Variants in SGCD observed in about 807,000 individuals in gnomAD.
SGCD encodes the protein sarcoglycan delta.
SGCD carries 18 observed loss-of-function variants against 36.6 expected under a neutral mutation model. That is an observed-to-expected ratio of 0.49 (90% CI 0.34 to 0.73). The LOEUF is 0.73. Ranked by LOEUF, SGCD falls within the 30% of genes least tolerant of loss-of-function variation. The probability of loss-of-function intolerance (pLI) is 0.01; values close to 1 mark genes in which losing one functional copy is unlikely to be tolerated. For missense variants in SGCD, 387 were observed against 346.7 expected (o/e 1.12, Z -0.92); for synonymous variants, 133 against 130.6 (o/e 1.02, Z -0.12).
the SGCD span, among the ~76,000 whole-genome samples, chr5:155,836,975 T>C: frequency 6.6e-6 from 1 of 152,176 alleles, no homozygotes; most frequent in African/African-American, 2.4e-5. Context: ...GAATCATCCA[T>C]GTCCACAAAT....
intron 3 of SGCD, among the ~76,000 whole-genome samples, chr5:156,250,454 G>C (rs946190120): frequency 6.6e-5 from 10 of 152,178 alleles, no homozygotes; most frequent in Non-Finnish European, 1.3e-4. Context: ...TTCAGAGGCA[G>C]AGGAACACAG....
the SGCD span, among the ~76,000 whole-genome samples, chr5:155,798,390 A>G: frequency 6.6e-6 from 1 of 152,342 alleles, no homozygotes; most frequent in Middle Eastern, 3.4e-3. Context: ...AAGATTTGAT[A>G]GATTAACTTC....
intron 3 of SGCD, among the ~76,000 whole-genome samples, chr5:156,415,493 C>T (rs867887818): frequency 1.6e-4 from 24 of 152,326 alleles, no homozygotes; most frequent in Middle Eastern, 3.4e-3. Flanking sequence ...CCTACTGACC[C>T]TGAGGCTCTC....
intron 6 of SGCD, among the ~76,000 whole-genome samples, chr5:156,616,852 C>T (rs1009416639): frequency 2.0e-5 from 3 of 152,168 alleles, no homozygotes; most frequent in African/African-American, 7.2e-5. Flanking sequence ...TTTACTGGAA[C>T]ATGATCACAC....
At chr5:156,567,548 A>T (rs922875680) in intron 4 of SGCD, among the ~76,000 whole-genome samples, 2 of 152,100 alleles carry the variant, frequency 1.3e-5, no homozygotes, top group Admixed American at 1.3e-4. Flanking sequence ...TCTGCTGAGG[A>T]GTTTCCTTTT....
intron 1 of SGCD, among the ~76,000 whole-genome samples, chr5:156,042,900 A>G (rs1038826217): frequency 3.3e-5 from 5 of 152,078 alleles, no homozygotes; most frequent in African/African-American, 9.7e-5. Context: ...CAGCCTCCTC[A>G]CTTAGTGGTC....
the SGCD span, among the ~76,000 whole-genome samples, chr5:155,752,995 C>T: frequency 6.6e-6 from 1 of 152,132 alleles, no homozygotes; most frequent in African/African-American, 2.4e-5. Flanking sequence ...CCTTTGCTAA[C>T]TCCTAAAGAG....
intron 3 of SGCD, among the ~76,000 whole-genome samples, chr5:156,352,877 C>T (rs1296899077): frequency 6.6e-6 from 1 of 152,176 alleles, no homozygotes; most frequent in Non-Finnish European, 1.5e-5. Flanking sequence ...TCTGGCTCTA[C>T]AGTCACTGCT....
chr5:156,275,294 G>A (rs1003597458), intron 3 of SGCD, among the ~76,000 whole-genome samples: 1 of 152,010 alleles, frequency 6.6e-6, no homozygotes, highest in African/African-American at 2.4e-5. Context: ...ACACCACATG[G>A]GGTATAGAAG....
chr5:155,975,485 G>A (rs376632447), intron 1 of SGCD, among the ~76,000 whole-genome samples: 10 of 151,920 alleles, frequency 6.6e-5, no homozygotes, highest in African/African-American at 2.4e-4. Context: ...ACTCTCACCT[G>A]GCAAGATACA....
chr5:156,282,814 A>G (rs1766487869), intron 3 of SGCD, among the ~76,000 whole-genome samples: 2 of 152,190 alleles, frequency 1.3e-5, no homozygotes, highest in South Asian at 2.1e-4. Flanking sequence ...AGAAAGATTG[A>G]CATTATCTGT....
chr5:156,525,106 T>C (rs1757589487), intron 4 of SGCD, among the ~76,000 whole-genome samples: 2 of 152,112 alleles, frequency 1.3e-5, no homozygotes. Flanking sequence ...GATGGCTGTA[T>C]CCTATGGTAG....
At chr5:155,971,492 A>C (rs1407717373) in intron 1 of SGCD, among the ~76,000 whole-genome samples, 2 of 152,114 alleles carry the variant, frequency 1.3e-5, no homozygotes, top group Non-Finnish European at 2.9e-5. Context: ...TCTTTTAAGT[A>C]TAATTTCCAG....
chr5:156,612,982 C>T (rs1183186658), intron 6 of SGCD, among the ~76,000 whole-genome samples: 6 of 152,082 alleles, frequency 3.9e-5, no homozygotes, highest in African/African-American at 7.2e-5. Context: ...CTGGGGGTAT[C>T]CAGCTTACTT....
In SGCD at chr5:156,344,646, T is replaced by C; in HGVS notation, c.161T>C (p.Ile54Thr). Residue 54 changes from isoleucine to threonine, a missense_variant, in exon 3 of 9, where the codon ATC becomes ACC. By Grantham distance (89) the Ile-to-Thr change is moderately conservative (BLOSUM62 -1). Coordinates refer to ENST00000337851, the MANE Select transcript of SGCD (RefSeq NM_000337.6). ...ATACTGGTGAACTTGGCCATGACCA[T>C]CTGGATTCTCAAAGTCATGAACTTC... ...ILILVNLAMTIWILKVMNFTI... is the reference protein window; with the variant it reads ...ILILVNLAMTTWILKVMNFTI... 1.2e-6 allele frequency: 2 copies of C among 1,608,518 alleles called. No individual in the cohort carries two copies. Among genetic ancestry groups the C allele is most frequent in the Non-Finnish European group, 1.7e-6 (2 of 1,177,450 alleles).
intron 4 of SGCD, among the ~76,000 whole-genome samples, chr5:156,542,060 G>A (rs2113153323): frequency 2.0e-5 from 3 of 152,256 alleles, no homozygotes; most frequent in Admixed American, 2.0e-4. Context: ...AATGCCAAAT[G>A]TTTTTAAGGC....
chr5:156,157,730 A>AT, intron 3 of SGCD, among the ~76,000 whole-genome samples: 1 of 151,870 alleles, frequency 6.6e-6, no homozygotes, highest in South Asian at 2.1e-4. Context: ...AACTTTGATA[A>AT]TTTAAGGATA....
chr5:156,577,942 G>A (rs189488537), intron 4 of SGCD, among the ~76,000 whole-genome samples: 1 of 152,090 alleles, frequency 6.6e-6, no homozygotes, highest in South Asian at 2.1e-4. Context: ...GCCAGAACTT[G>A]CAACACTATG....
chr5:156,044,389 G>C (rs1229187065), intron 1 of SGCD, among the ~76,000 whole-genome samples: 3 of 152,136 alleles, frequency 2.0e-5, no homozygotes, highest in African/African-American at 2.4e-5. Context: ...TTAATACTTA[G>C]AGGAATATTT....
Sources: gnomAD v4.1 joint callset for allele counts (sites outside exome capture counted in the v4.1 genomes callset) on GRCh38, gnomAD v4.1.1 for gene constraint, MANE v1.5 for transcripts, NCBI Gene and HGNC (gene_info 2026-07-23, HGNC 2026-07-21) for gene names.